The following CYP4Z1 variants were observed in gnomAD, a reference collection of about 807,000 sequenced individuals.
The protein encoded by CYP4Z1 is cytochrome P450 family 4 subfamily Z member 1.
CYP4Z1 carries 41 observed loss-of-function variants against 54.2 expected under a neutral mutation model. The observed-to-expected ratio is 0.76, with a 90% CI of 0.59 to 0.98. The LOEUF (loss-of-function observed/expected upper bound fraction) is 0.98. CYP4Z1 is among the 50% of genes least tolerant of loss of function. CYP4Z1 has a pLI of 0.00. For synonymous variants in CYP4Z1, 163 were observed against 206.2 expected (o/e 0.79, Z 1.79); for missense variants, 513 against 599.0 (o/e 0.86, Z 1.50).
chr1:47,090,382 C>G (rs1644630718), intron 6 of CYP4Z1, among the ~76,000 whole-genome samples: 1 of 152,194 alleles, frequency 6.6e-6, no homozygotes, highest in Admixed American at 6.5e-5. Flanking sequence ...GTGGGTGCTA[C>G]AGTGTATACT....
chr1:47,105,423 A>G (rs1644749755), intron 8 of CYP4Z1, among the ~76,000 whole-genome samples: 1 of 152,098 alleles, frequency 6.6e-6, no homozygotes, highest in Non-Finnish European at 1.5e-5. Flanking sequence ...TGTTAGTCTC[A>G]GGGCCTGCAA....
At chr1:47,079,753 T>G (rs1454660642) in intron 2 of CYP4Z1, among the ~76,000 whole-genome samples, 1 of 152,088 alleles carries the variant, frequency 6.6e-6, no homozygotes, top group Admixed American at 6.5e-5. Flanking sequence ...GGAGGCTATC[T>G]GGTAGTGAAG....
chr1:47,060,842 A>T, the CYP4Z1 span, among the ~76,000 whole-genome samples: 2 of 152,220 alleles, frequency 1.3e-5, no homozygotes, highest in African/African-American at 4.8e-5. Flanking sequence ...AACCAAAATC[A>T]TACCAAACAC....
Position 47,106,249 on chromosome 1 carries a change from T to C in CYP4Z1, c.1189T>C (p.Ser397Pro). 6.2e-7 allele frequency: 1 copy of C among 1,600,244 alleles called. No homozygotes were observed. Among genetic ancestry groups the C allele is most frequent in the Admixed American group, 1.8e-5 (1 of 56,880 alleles). The change falls in exon 9 of 12, where the codon TCC becomes CCC. Residue 397 changes from serine (S) to proline (P), a missense_variant. Coordinates refer to ENST00000334194, the MANE Select transcript of CYP4Z1 (RefSeq NM_178134.3). The part of the protein sequence containing the change: ...DKPITFPDGR[S>P]LPAGITVFIN... ...ACCCATCACCTTTCCAGATGGACGCTCCTTACCTGCAGGTCTTAAAACTTT... is the reference window on the plus strand; with the variant it reads ...ACCCATCACCTTTCCAGATGGACGCCCCTTACCTGCAGGTCTTAAAACTTT...
chr1:47,117,863 C>T lies in CYP4Z1; in HGVS notation c.1447C>T (p.Pro483Ser). 6.2e-7 allele frequency: 1 copy of T among 1,613,650 alleles called. No individual in the cohort carries two copies. Among genetic ancestry groups the T allele is most frequent in the Non-Finnish European group, 8.5e-7 (1 of 1,179,808 alleles). The change falls in exon 12 of 12, where the codon CCC becomes TCC. Residue 483 changes from proline to serine, a missense_variant. Pro to Ser is a moderately conservative substitution (Grantham distance 74). Coordinates refer to ENST00000334194, the MANE Select transcript of CYP4Z1 (RefSeq NM_178134.3). ...FKLAPDHSRP[P>S]QPVRQVVLKS... ...GCTGGCTCCAGACCACTCAAGGCCT[C>T]CCCAGCCTGTTCGTCAAGTTGTCCT... is the stretch of plus-strand genomic sequence containing the variant.
At chr1:47,075,339 GTT>G in intron 2 of CYP4Z1, 1 of 169,324 alleles carries the variant, frequency 5.9e-6, no homozygotes. Context: ...CAATATTGAG[GTT>G]TCTCCACAGA....
intron 8 of CYP4Z1, among the ~76,000 whole-genome samples, chr1:47,105,404 G>A (rs11211447): frequency 0.43 from 64,549 of 150,956 alleles, 15,132 homozygotes; most frequent in East Asian, 0.96. Flanking sequence ...ATCTCCAGCC[G>A]GCTCCTTATG....
intron 7 of CYP4Z1, among the ~76,000 whole-genome samples, chr1:47,095,912 AATACTCTGTGAGGGACCAAAAATAAATAG>A (rs1352411889): frequency 6.6e-6 from 1 of 152,186 alleles, no homozygotes; most frequent in African/African-American, 2.4e-5. Context: ...AAAATAAACA[AATACTCTGTGAGGGACCAAAAATAAATAG>A]ATACTCTGTG....
chr1:47,113,524 G>A (rs905226696), intron 9 of CYP4Z1, among the ~76,000 whole-genome samples: 3 of 152,154 alleles, frequency 2.0e-5, no homozygotes, highest in Non-Finnish European at 2.9e-5. Flanking sequence ...CATAACAGAC[G>A]CTTCTTAAAT....
At chr1:47,105,092 T>C (rs1275165524) in intron 8 of CYP4Z1, among the ~76,000 whole-genome samples, 2 of 152,110 alleles carry the variant, frequency 1.3e-5, no homozygotes, top group Non-Finnish European at 2.9e-5. Flanking sequence ...CAGCTACAGT[T>C]ACAGGCAGTG....
At chr1:47,088,791 A>ATT (rs571203300) in intron 6 of CYP4Z1, among the ~76,000 whole-genome samples, 1 of 119,726 alleles carries the variant, frequency 8.4e-6, no homozygotes, top group Admixed American at 8.5e-5. Flanking sequence ...TAAATATTGT[A>ATT]TTTTTTTTTT....
chr1:47,097,884 T>C (rs1644689859), intron 7 of CYP4Z1, among the ~76,000 whole-genome samples: 1 of 150,076 alleles, frequency 6.7e-6, no homozygotes, highest in Non-Finnish European at 1.5e-5. Flanking sequence ...GGTGTGCTCC[T>C]GGCTCACTGC....
At chr1:47,114,851 C>G (rs1261042146) in intron 9 of CYP4Z1, among the ~76,000 whole-genome samples, 18 of 152,174 alleles carry the variant, frequency 1.2e-4, no homozygotes, top group Admixed American at 1.2e-3. Flanking sequence ...GTTGGTGGGA[C>G]TGTAAACTAG....
At chr1:47,062,091 G>C in the CYP4Z1 span, among the ~76,000 whole-genome samples, 1 of 152,188 alleles carries the variant, frequency 6.6e-6, no homozygotes, top group Non-Finnish European at 1.5e-5. Context: ...ATGGGGAAAA[G>C]ATGGAAGCAT....
chr1:47,057,338 ATATATATATATATAT>A, the CYP4Z1 span, among the ~76,000 whole-genome samples: 5,150 of 72,610 alleles, frequency 0.071, 706 homozygotes, highest in East Asian at 0.17. Flanking sequence ...AAAAAAAAAT[ATATATATATATATAT>A]ATATATATAT....
At position 47,069,386 on chromosome 1, in the gene CYP4Z1, T is replaced by C. The variant is rs1367694878; in HGVS notation, c.319+623T>C. On this transcript the variant is annotated intron_variant, in intron 2 of 11. Transcript: ENST00000334194. ...CTCTCCCAGCTACCTACATGAGTCA[T>C]TCAGTTATAAAATGCCTCCATACCA... 3.7e-3 allele frequency among the ~76,000 whole-genome samples: 557 copies of C among 150,600 alleles called. 4 individuals are homozygous for C. The highest frequency in any genetic ancestry group is 0.011 in the African/African-American group (471 of 40,970).
At chr1:47,059,515 T>C in the CYP4Z1 span, among the ~76,000 whole-genome samples, 1 of 152,300 alleles carries the variant, frequency 6.6e-6, no homozygotes, top group South Asian at 2.1e-4. Flanking sequence ...TGGACCCATG[T>C]GAAAACAATA....
chr1:47,057,346 A>ATATATATATATATATATATATG, the CYP4Z1 span, among the ~76,000 whole-genome samples: 1 of 59,490 alleles, frequency 1.7e-5, no homozygotes, highest in African/African-American at 6.0e-5. Context: ...ATATATATAT[A>ATATATATATATATATATATATG]TATATATATA....
chr1:47,104,188 G>C (rs1644740489), intron 8 of CYP4Z1, among the ~76,000 whole-genome samples: 1 of 152,240 alleles, frequency 6.6e-6, no homozygotes, highest in Non-Finnish European at 1.5e-5. Context: ...ATGTGCAGTA[G>C]TGTAATCGCT....
Sources: gnomAD v4.1 joint callset for allele counts (sites outside exome capture counted in the v4.1 genomes callset) on GRCh38, gnomAD v4.1.1 for gene constraint, MANE v1.5 for transcripts, NCBI Gene and HGNC (gene_info 2026-07-23, HGNC 2026-07-21) for gene names.